The following EIF3E variants were observed in gnomAD, a reference collection of about 807,000 sequenced individuals.
EIF3E encodes eIF-3 p48.
A neutral mutation model predicts 59.3 loss-of-function variants in EIF3E; 25 were observed. That is an observed-to-expected ratio of 0.42 (90% CI 0.31 to 0.59). The LOEUF is 0.59. Ranked by LOEUF, EIF3E falls within the 20% of genes least tolerant of loss-of-function variation. EIF3E has a pLI of 0.15. For missense variants in EIF3E, 317 were observed against 534.3 expected (o/e 0.59, Z 4.01); for synonymous variants, 176 against 170.2 (o/e 1.03, Z -0.26).
intron 12 of EIF3E, 67 bp from the exon 13 acceptor site, chr8:108,201,990 A>G: frequency 7.1e-7 from 1 of 1,413,832 alleles, no homozygotes; most frequent in Non-Finnish European, 9.5e-7. Context: ...CTAACATAGA[A>G]GAAAGTAACA....
rs202033451 is a variant in EIF3E at position 108,240,040 on chromosome 8, G to A, written c.241C>T (p.Leu81=). 1.7e-5 allele frequency: 27 copies of A among 1,613,940 alleles called. No individual in the cohort carries two copies. Among genetic ancestry groups the A allele is most frequent in the Non-Finnish European group, 2.2e-5 (26 of 1,179,998 alleles). The change falls in exon 3 of 13, where the codon CTG becomes TTG. Residue 81 remains leucine (L), a synonymous_variant. Transcript: ENST00000220849. ...REKRTTVVAQ[L]KQLQAETEPI... ...TCTGTTTCTGCCTGAAGCTGTTTCAGTTGTGCAACCACTGTGGTTCTTTTC... is the reference window on the plus strand; with the variant it reads ...TCTGTTTCTGCCTGAAGCTGTTTCAATTGTGCAACCACTGTGGTTCTTTTC...
At position 108,201,499 on chromosome 8, in the gene EIF3E, TG is replaced by T. The variant is rs2129829067; in HGVS notation, c.*385del. 1 of 153,792 alleles carries T rather than the reference TG, an allele frequency of 6.5e-6. No homozygotes were observed. The highest frequency in any genetic ancestry group is 2.1e-4 in the South Asian group (1 of 4,840). The allele number at this position is 153,792 out of a possible 1,614,324, so 9.5% of individuals were successfully genotyped here. ...TAGTTCTCTATCTTGGCTGCAGTGA[TG>T]GTTACACAAATCTACACGTGATAAA... On this transcript the variant is annotated 3_prime_UTR_variant, in exon 13 of 13. Transcript: ENST00000220849.
intron 2 of EIF3E, among the ~76,000 whole-genome samples, chr8:108,240,494 G>C (rs377660205): frequency 1.3e-3 from 203 of 152,254 alleles, no homozygotes; most frequent in African/African-American, 4.7e-3. Flanking sequence ...AACTCAGAGG[G>C]ATTTACATAT....
chr8:108,247,213 C>T (rs1160929355), intron 1 of EIF3E, among the ~76,000 whole-genome samples: 4 of 152,040 alleles, frequency 2.6e-5, no homozygotes, highest in African/African-American at 9.7e-5. Flanking sequence ...TTACATATTC[C>T]TCCTTTCCTT....
At chr8:108,230,460 TAC>T (rs1815601613) in intron 5 of EIF3E, among the ~76,000 whole-genome samples, 1 of 152,006 alleles carries the variant, frequency 6.6e-6, no homozygotes, top group South Asian at 2.1e-4. Context: ...TATTTACATA[TAC>T]ATTTACATAC....
chr8:108,231,592 T>A (rs1462911665), intron 5 of EIF3E, among the ~76,000 whole-genome samples: 1 of 152,110 alleles, frequency 6.6e-6, no homozygotes, highest in Non-Finnish European at 1.5e-5. Context: ...ATCACTTTTA[T>A]TTCAAAGAGC....
chr8:108,210,675 C>T (rs1378760963), intron 10 of EIF3E, among the ~76,000 whole-genome samples: 1 of 152,152 alleles, frequency 6.6e-6, no homozygotes, highest in Non-Finnish European at 1.5e-5. Flanking sequence ...CACACATGTG[C>T]CATGTTGGTG....
chr8:108,231,072 T>C (rs1188136450), intron 5 of EIF3E, among the ~76,000 whole-genome samples: 2 of 152,152 alleles, frequency 1.3e-5, no homozygotes, highest in Non-Finnish European at 2.9e-5. Flanking sequence ...AGAAATGTTC[T>C]TTATCTTGAC....
chr8:108,214,683 G>T lies in EIF3E; in HGVS notation c.985C>A (p.Leu329Ile). Residue 329 changes from leucine (L) to isoleucine (I), a missense_variant, in exon 10 of 13, where the codon CTT becomes ATT. Coordinates refer to ENST00000220849, the MANE Select transcript of EIF3E (RefSeq NM_001568.3). Reference sequence around the variant, plus strand: ...CGGGCATTTTCAATGAAATCCTCAAGACAAGCCACCAAGAAGAAGTCATTC... The same window carrying T: ...CGGGCATTTTCAATGAAATCCTCAATACAAGCCACCAAGAAGAAGTCATTC... ...LVNDFFLVAC[L>I]EDFIENARLF... 5 of 1,610,276 alleles carry T rather than the reference G, an allele frequency of 3.1e-6. No homozygotes were observed. The highest frequency in any genetic ancestry group is 4.2e-6 in the Non-Finnish European group (5 of 1,179,130).
Position 108,214,658 on chromosome 8 carries a change from C to T in EIF3E, c.1010G>A (p.Arg337His), listed in dbSNP as rs1211749554. 3.7e-6 allele frequency: 6 copies of T among 1,611,480 alleles called. No homozygotes were observed. The highest frequency in any genetic ancestry group is 1.1e-5 in the South Asian group (1 of 90,406). ...ACLEDFIENARLFIFETFCRI... is the reference protein window; with the variant it reads ...ACLEDFIENAHLFIFETFCRI... ...ACAGAAAGTCTCAAATATGAAGAGA[C>T]GGGCATTTTCAATGAAATCCTCAAG... Residue 337 changes from arginine to histidine, a missense_variant, in exon 10 of 13, where the codon CGT (arginine) becomes CAT (histidine). Physicochemically the swap from Arg to His is conservative, Grantham distance 29. Transcript: ENST00000220849.
intron 7 of EIF3E, chr8:108,227,997 G>A (rs964093139): frequency 3.8e-6 from 1 of 266,204 alleles, no homozygotes; most frequent in Non-Finnish European, 7.0e-6. Context: ...TAGTTCTAGG[G>A]TGAGTCCTGA....
Position 108,228,408 on chromosome 8 carries a change from T to C in EIF3E, c.598-17A>G, listed in dbSNP as rs1356144956. 3 of 1,467,034 alleles carry C rather than the reference T, an allele frequency of 2.0e-6. No individual in the cohort carries two copies. Among genetic ancestry groups the C allele is most frequent in the African/African-American group, 1.5e-5 (1 of 68,432 alleles). The allele number at this position is 1,467,034 out of a possible 1,614,324, so 90.9% of individuals were successfully genotyped here. A position where few individuals can be genotyped will look rare whatever the true frequency, so the allele number is the denominator to read the frequency against. ...ACTCACAGACTAAAGGATTTAAAAATATATACATAAAAAATATTAATATAT... is the reference window on the plus strand; with the variant it reads ...ACTCACAGACTAAAGGATTTAAAAACATATACATAAAAAATATTAATATAT... On this transcript the variant is annotated splice_polypyrimidine_tract_variant and intron_variant, in intron 6 of 12. Transcript: ENST00000220849.
At chr8:108,248,561 C>A (rs1235171608) in intron 1 of EIF3E, 52 bp downstream of exon 1, 2 of 1,592,794 alleles carry the variant, frequency 1.3e-6, no homozygotes, top group Non-Finnish European at 8.6e-7. Flanking sequence ...TTCGGCCTTG[C>A]TCAGCACCTC....
intron 1 of EIF3E, among the ~76,000 whole-genome samples, chr8:108,244,403 T>C (rs575351189): frequency 6.6e-5 from 10 of 152,344 alleles, no homozygotes; most frequent in East Asian, 1.9e-4. Context: ...AGATTAAGAA[T>C]CTTTTTTTGC....
intron 1 of EIF3E, among the ~76,000 whole-genome samples, chr8:108,245,133 C>A (rs1209710657): frequency 1.3e-5 from 2 of 151,782 alleles, no homozygotes; most frequent in African/African-American, 4.8e-5. Context: ...CCCCCCCTCC[C>A]ATCCCATACC....
intron 7 of EIF3E, chr8:108,228,035 C>T: frequency 3.0e-6 from 1 of 338,456 alleles, no homozygotes. Context: ...ATGCTGCTGG[C>T]CCAGGGACCA....
intron 10 of EIF3E, among the ~76,000 whole-genome samples, chr8:108,211,211 C>G (rs1363985059): frequency 1.3e-5 from 2 of 152,108 alleles, no homozygotes; most frequent in Non-Finnish European, 2.9e-5. Context: ...ACAGTCCCAC[C>G]AACAGTGTAA....
chr8:108,246,770 T>A (rs971255648), intron 1 of EIF3E, among the ~76,000 whole-genome samples: 4 of 152,170 alleles, frequency 2.6e-5, no homozygotes, highest in Admixed American at 1.3e-4. Flanking sequence ...AATGAAGACC[T>A]TCATGATGAT....
chr8:108,237,823 C>T (rs1815762099), intron 3 of EIF3E, among the ~76,000 whole-genome samples: 1 of 152,098 alleles, frequency 6.6e-6, no homozygotes, highest in South Asian at 2.1e-4. Context: ...AATCACTGTC[C>T]TCTGGCTGAT....
Sources: gnomAD v4.1 joint callset for allele counts (sites outside exome capture counted in the v4.1 genomes callset) on GRCh38, gnomAD v4.1.1 for gene constraint, MANE v1.5 for transcripts, NCBI Gene and HGNC (gene_info 2026-07-23, HGNC 2026-07-21) for gene names.